LARP1: variants seen among roughly 807,000 people sequenced by gnomAD.
The protein encoded by LARP1 is la-related protein 1.
In LARP1, 36 loss-of-function variants were observed where a neutral mutation model predicts 122.7. The ratio of observed to expected loss-of-function variants is 0.29; its 90% CI spans 0.22 to 0.39. The LOEUF (loss-of-function observed/expected upper bound fraction) is 0.39, where lower values mean the gene tolerates loss of function less well. Ranked by LOEUF, LARP1 falls within the 10% of genes least tolerant of loss-of-function variation. The pLI is 1.00. For synonymous variants in LARP1, 539 were observed against 528.7 expected (o/e 1.02, Z -0.27); for missense variants, 1,040 against 1,403.6 (o/e 0.74, Z 4.14).
rs181144682 is a variant in LARP1 at position 154,806,240 on chromosome 5, G to A, written c.2698+208G>A. On this transcript the variant is annotated intron_variant, in intron 15 of 18. Transcript: ENST00000518297. ...GCTAGGGGGATATGGCACTCACAAC[G>A]TTCGTGTTCTTTGATCTTCCTCTAT... 3.9e-5 allele frequency among the ~76,000 whole-genome samples: 6 copies of A among 152,262 alleles called. No individual in the cohort carries two copies. The East Asian group carries it at 9.6e-4, about 24-fold the overall frequency.
At position 154,794,156 on chromosome 5, in the gene LARP1, A is replaced by G; in HGVS notation, c.1126A>G (p.Thr376Ala). ...GTTTGATGGTGTGGAGGGGCCTCGT[A>G]CGCCCAAGTACATGAACAACATCAC... ...RKFDGVEGPR[T>A]PKYMNNITYY... Residue 376 changes from threonine to alanine, a missense_variant, in exon 7 of 19, where the codon ACG becomes GCG. By Grantham distance (58) the Thr-to-Ala change is moderately conservative. Transcript: ENST00000518297. 6.2e-7 allele frequency: 1 copy of G among 1,614,168 alleles called. No homozygotes were observed. The highest frequency in any genetic ancestry group is 8.5e-7 in the Non-Finnish European group (1 of 1,180,016).
At chr5:154,701,600 G>A (rs1033448249) in intron 1 of LARP1, among the ~76,000 whole-genome samples, 12 of 151,368 alleles carry the variant, frequency 7.9e-5, no homozygotes, top group Admixed American at 1.3e-4. Context: ...GATATGGTCC[G>A]AACTTTGGGG....
chr5:154,756,013 G>C lies in LARP1; in HGVS notation c.256G>C (p.Gly86Arg). ...GCCGCTGCAGCTGCCCGGCGCCGAA[G>C]GCCCGGCCATCAGCGACGGGGAGGA... The part of the protein sequence containing the change: ...PRPLQLPGAE[G>R]PAISDGEEGG... The change falls in exon 1 of 19, where the codon GGC becomes CGC. Residue 86 changes from glycine to arginine, a missense_variant. Gly to Arg is a moderately radical substitution (Grantham distance 125). Coordinates refer to ENST00000518297, the MANE Select transcript of LARP1 (RefSeq NM_033551.3). The C allele has an allele frequency of 9.8e-7, 1 of 1,025,584 alleles. No homozygotes were observed. 63.5% of individuals were successfully genotyped at this position (1,025,584 alleles called of 1,614,324 possible).
At chr5:154,754,859 G>C (rs1385907013), upstream of LARP1, among the ~76,000 whole-genome samples, 1 of 152,126 alleles carries the variant, frequency 6.6e-6, no homozygotes, top group Non-Finnish European at 1.5e-5. Flanking sequence ...TCCTCGGGGC[G>C]GATGAGGGTC....
rs2113822441 is a variant in LARP1 at position 154,799,903 on chromosome 5, C to A, written c.1577C>A (p.Thr526Asn). ...GCACCTGGCTCTCCTCGTGCAGTCA[C>A]CCCAGTGCCAACCAAAACAGAGGAG... ...ESAPGSPRAVTPVPTKTEEVS... is the reference protein window; with the variant it reads ...ESAPGSPRAVNPVPTKTEEVS... The change falls in exon 10 of 19, where the codon ACC (threonine) becomes AAC (asparagine). Residue 526 changes from threonine to asparagine, a missense_variant. This residue lies in a region of LARP1 where 362 missense variants were observed against 533.1 expected (regional missense o/e 0.68). Coordinates refer to ENST00000518297, the MANE Select transcript of LARP1 (RefSeq NM_033551.3). 6.2e-7 allele frequency: 1 copy of A among 1,614,154 alleles called. No individual in the cohort carries two copies. The highest frequency in any genetic ancestry group is 1.1e-5 in the South Asian group (1 of 91,082).
intron 1 of LARP1, among the ~76,000 whole-genome samples, chr5:154,771,067 G>A (rs11948782): frequency 0.071 from 10,671 of 150,602 alleles, 431 homozygotes; most frequent in Middle Eastern, 0.11. Flanking sequence ...AGCCAAGATC[G>A]CGCCACTGCC....
chr5:154,785,951 G>C (rs1470982237), intron 1 of LARP1, among the ~76,000 whole-genome samples: 1 of 152,090 alleles, frequency 6.6e-6, no homozygotes, highest in Non-Finnish European at 1.5e-5. Context: ...GAAAATAGTG[G>C]GTTTGCCATG....
chr5:154,755,461 C>CGG lies in LARP1; in HGVS notation c.-295_-294dup. 1.2e-6 allele frequency: 1 copy of CGG among 811,212 alleles called. No homozygotes were observed. Among genetic ancestry groups the CGG allele is most frequent in the Non-Finnish European group, 1.5e-6 (1 of 670,484 alleles). 50.3% of individuals were successfully genotyped at this position (811,212 alleles called of 1,614,324 possible). A position where few individuals can be genotyped will look rare whatever the true frequency, so the allele number is the denominator to read the frequency against. ...GGGAGGGACGGGACTAGAAGCCTGCCGGGCTCGGGGTGGGGGCGTCTTGCG... is the reference window on the plus strand; with the variant it reads ...GGGAGGGACGGGACTAGAAGCCTGCCGGGGGCTCGGGGTGGGGGCGTCTTGCG... On this transcript the variant is annotated 5_prime_UTR_variant, in exon 1 of 19. Transcript: ENST00000518297.
upstream of LARP1, among the ~76,000 whole-genome samples, chr5:154,753,987 A>G (rs1317320234): frequency 6.6e-6 from 1 of 152,246 alleles, no homozygotes; most frequent in Non-Finnish European, 1.5e-5. Flanking sequence ...GTCAGAAGCC[A>G]GGACTTCTCC....
In LARP1 at chr5:154,755,394, C is replaced by A. The variant is rs1753768610; in HGVS notation, c.-364C>A. 6.6e-6 allele frequency among the ~76,000 whole-genome samples: 1 copy of A among 151,334 alleles called. No individual in the cohort carries two copies. The highest frequency in any genetic ancestry group is 2.4e-5 in the African/African-American group (1 of 41,298). On this transcript the variant is annotated 5_prime_UTR_variant, in exon 1 of 19. Coordinates refer to ENST00000518297, the MANE Select transcript of LARP1 (RefSeq NM_033551.3). ...CCCCGTCCGTCCATATTGCTGCAGC[C>A]CCCGAGCCGGGAAGCCCGGGCCGCC...
chr5:154,761,328 T>C (rs1270269339), intron 1 of LARP1, among the ~76,000 whole-genome samples: 1 of 152,168 alleles, frequency 6.6e-6, no homozygotes, highest in Non-Finnish European at 1.5e-5. Context: ...CAAGCTTTCT[T>C]GAACTCTGAA....
chr5:154,810,998 A>G (rs1349566975), intron 16 of LARP1, among the ~76,000 whole-genome samples: 4 of 152,228 alleles, frequency 2.6e-5, no homozygotes, highest in African/African-American at 9.6e-5. Flanking sequence ...GCAACCATAG[A>G]TACTTCATAA....
chr5:154,708,263 G>A (rs1053457044), upstream of LARP1, among the ~76,000 whole-genome samples: 3 of 152,120 alleles, frequency 2.0e-5, no homozygotes, highest in Non-Finnish European at 4.4e-5. Context: ...ATTCCAGTTC[G>A]GCTTTGAATG....
chr5:154,764,133 A>G (rs2113614228), intron 1 of LARP1, among the ~76,000 whole-genome samples: 1 of 151,938 alleles, frequency 6.6e-6, no homozygotes, highest in South Asian at 2.1e-4. Context: ...ACACAGTGAA[A>G]CCCTGCCTCT....
rs1471566084 is a variant in LARP1, at chr5:154,700,176, T to A, written c.-180+17139T>A. Among the ~76,000 whole-genome samples the A allele has an allele frequency of 3.3e-5, 5 of 152,306 alleles. No homozygotes were observed. In the East Asian group the frequency reaches 7.7e-4, roughly 24 times the overall value. Reference sequence around the variant, plus strand: ...CAAATAATATTTTAATACAATATTTTAAAAATCAAAATTAATGCAAAAAGG... The same window carrying A: ...CAAATAATATTTTAATACAATATTTAAAAAATCAAAATTAATGCAAAAAGG... On this transcript the variant is annotated intron_variant, in intron 1 of 18. Transcript: ENST00000687700.
chr5:154,703,210 G>A (rs1754803179), intron 1 of LARP1, among the ~76,000 whole-genome samples: 1 of 151,394 alleles, frequency 6.6e-6, no homozygotes, highest in Non-Finnish European at 1.5e-5. Context: ...TTTTGTAAAC[G>A]GATAGTTTTT....
intron 1 of LARP1, chr5:154,718,799 C>G (rs1158808321): frequency 6.6e-6 from 1 of 152,194 alleles, no homozygotes; most frequent in Non-Finnish European, 1.5e-5. Flanking sequence ...ATGGAATGAT[C>G]AGACTCTGAG....
chr5:154,743,956 G>A (rs1179227255), intron 1 of LARP1, among the ~76,000 whole-genome samples: 4 of 152,266 alleles, frequency 2.6e-5, no homozygotes, highest in South Asian at 4.1e-4. Flanking sequence ...AGTGATTTCC[G>A]CTTTCTCCAA....
At chr5:154,720,858 C>T (rs73276719) in intron 1 of LARP1, among the ~76,000 whole-genome samples, 1,682 of 152,144 alleles carry the variant, frequency 0.011, 28 homozygotes, top group African/African-American at 0.036. Context: ...CTGCGGGCTA[C>T]GGAACCCTGA....
Sources: gnomAD v4.1 joint callset for allele counts (sites outside exome capture counted in the v4.1 genomes callset) on GRCh38, gnomAD v4.1.1 for gene constraint, gnomAD v4.1.1 regional missense constraint, MANE v1.5 for transcripts, NCBI Gene and HGNC (gene_info 2026-07-23, HGNC 2026-07-21) for gene names.